The following ZNF143 variants were observed in gnomAD, a reference collection of about 807,000 sequenced individuals.
ZNF143 encodes SPH-binding factor.
A neutral mutation model predicts 74.1 loss-of-function variants in ZNF143; 49 were observed. That is an observed-to-expected ratio of 0.66 (90% CI 0.53 to 0.84). The LOEUF (loss-of-function observed/expected upper bound fraction) is 0.84, where lower values mean the gene tolerates loss of function less well. Ranked by LOEUF, ZNF143 falls within the 40% of genes least tolerant of loss-of-function variation. ZNF143 has a pLI of 0.00. For missense variants in ZNF143, 637 were observed against 793.4 expected (o/e 0.80, Z 2.37); for synonymous variants, 304 against 282.8 (o/e 1.07, Z -0.75).
chr11:9,527,423 C>T, intron 15 of ZNF143, 107 bp from the exon 16 acceptor site: 1 of 995,094 alleles, frequency 1.0e-6, no homozygotes, highest in East Asian at 2.4e-5. Flanking sequence ...TCCCAAGTGT[C>T]AGAATTACAG....
chr11:9,502,607 CAA>C (rs35945973), intron 11 of ZNF143, among the ~76,000 whole-genome samples: 165 of 135,196 alleles, frequency 1.2e-3, no homozygotes, highest in Non-Finnish European at 1.4e-3. Context: ...GACTCCATCT[CAA>C]AAAAAAAAAA....
chr11:9,471,880 G>A (rs1204402777), intron 2 of ZNF143, among the ~76,000 whole-genome samples: 1 of 149,656 alleles, frequency 6.7e-6, no homozygotes, highest in African/African-American at 2.5e-5. Context: ...CTTGGTGTGG[G>A]TACAGGAGGG....
intron 6 of ZNF143, 95 bp from the exon 7 acceptor site, chr11:9,479,375 CTT>C: frequency 3.3e-6 from 3 of 901,186 alleles, no homozygotes; most frequent in Non-Finnish European, 4.8e-6. Flanking sequence ...TTTTCTTTTT[CTT>C]TTTTTTTGCA....
intron 3 of ZNF143, chr11:9,473,701 C>A: frequency 7.7e-7 from 1 of 1,297,234 alleles, no homozygotes; most frequent in Admixed American, 2.1e-5. Context: ...ATGAGCCACT[C>A]TTCCTCTTGA....
At chr11:9,478,685 C>T in intron 6 of ZNF143, 99 bp downstream of exon 6, 1 of 1,448,012 alleles carries the variant, frequency 6.9e-7, no homozygotes, top group South Asian at 1.4e-5. Context: ...CAAAAAAAAC[C>T]TGGCCAATTT....
At chr11:9,475,674 T>C (rs1204310459) in intron 5 of ZNF143, among the ~76,000 whole-genome samples, 4 of 152,140 alleles carry the variant, frequency 2.6e-5, no homozygotes, top group African/African-American at 7.2e-5. Flanking sequence ...GCGGATCACC[T>C]GAGGTCAGGG....
In ZNF143 at chr11:9,528,451, T is replaced by C. The variant is rs1849199665; in HGVS notation, c.*838T>C. On this transcript the variant is annotated 3_prime_UTR_variant, in exon 16 of 16. Coordinates refer to ENST00000396602, the MANE Select transcript of ZNF143 (RefSeq NM_003442.6). ...GGTGTAAATTATTTATTTTTGCTTA[T>C]GTACTTTTGTTTTAAAGCTTATTTA... The C allele has an allele frequency of 6.6e-6, 1 of 152,212 alleles. No homozygotes were observed. The highest frequency in any genetic ancestry group is 1.5e-5 in the Non-Finnish European group (1 of 68,042). The allele number at this position is 152,212 out of a possible 1,614,324, so 9.4% of individuals were successfully genotyped here.
intron 5 of ZNF143, among the ~76,000 whole-genome samples, chr11:9,476,522 G>A (rs906189169): frequency 2.0e-5 from 3 of 150,824 alleles, no homozygotes; most frequent in East Asian, 2.0e-4. Flanking sequence ...ACAGGTGCCC[G>A]CCACTACACC....
At chr11:9,464,820 G>A (rs1856098098) in intron 1 of ZNF143, among the ~76,000 whole-genome samples, 1 of 152,000 alleles carries the variant, frequency 6.6e-6, no homozygotes, top group Non-Finnish European at 1.5e-5. Flanking sequence ...CTACTCAGGA[G>A]GCTGAGGCAG....
intron 7 of ZNF143, among the ~76,000 whole-genome samples, chr11:9,486,402 T>TATATAATATATATTA (rs1259574052): frequency 8.7e-4 from 23 of 26,530 alleles, no homozygotes; most frequent in African/African-American, 3.6e-3. Context: ...ATATAATATA[T>TATATAATATATATTA]TATATATATA....
intron 12 of ZNF143, among the ~76,000 whole-genome samples, chr11:9,511,366 G>A (rs562808341): frequency 3.3e-5 from 5 of 151,730 alleles, no homozygotes; most frequent in South Asian, 2.1e-4. Context: ...GTGCAATCTC[G>A]GCTCACTGCA....
At chr11:9,486,422 A>ATATATATAATATATATAATATATATAT (rs1565039278) in intron 7 of ZNF143, among the ~76,000 whole-genome samples, 3 of 36,442 alleles carry the variant, frequency 8.2e-5, no homozygotes, top group Non-Finnish European at 1.1e-4. Flanking sequence ...AATATATATT[A>ATATATATAATATATATAATATATATAT]TATATATTAT....
intron 11 of ZNF143, among the ~76,000 whole-genome samples, chr11:9,501,720 C>T (rs573293832): frequency 5.9e-5 from 9 of 152,062 alleles, no homozygotes; most frequent in African/African-American, 1.9e-4. Flanking sequence ...GGGGAAATGT[C>T]ATGGGGAAAG....
At chr11:9,488,699 G>A (rs1454689474) in intron 7 of ZNF143, among the ~76,000 whole-genome samples, 1 of 152,128 alleles carries the variant, frequency 6.6e-6, no homozygotes, top group Admixed American at 6.6e-5. Flanking sequence ...TAGACTGAGA[G>A]CCCTACAAAG....
chr11:9,473,157 G>A (rs970175344), intron 3 of ZNF143, among the ~76,000 whole-genome samples: 3 of 152,008 alleles, frequency 2.0e-5, no homozygotes, highest in African/African-American at 7.2e-5. Context: ...TTGGAAGGCC[G>A]AGGCGGGCAG....
At chr11:9,511,978 C>T (rs1347215319) in intron 12 of ZNF143, among the ~76,000 whole-genome samples, 11 of 151,870 alleles carry the variant, frequency 7.2e-5, no homozygotes, top group Non-Finnish European at 1.3e-4. Flanking sequence ...GTCTCGATCT[C>T]CTGACCTCGT....
intron 12 of ZNF143, among the ~76,000 whole-genome samples, chr11:9,511,006 C>T (rs1459345861): frequency 6.6e-6 from 1 of 151,626 alleles, no homozygotes; most frequent in African/African-American, 2.4e-5. Context: ...GTGCTAAAGA[C>T]CAAGTTTAGT....
chr11:9,476,746 C>CTTTATTTTTTTT (rs1856919168), intron 5 of ZNF143, among the ~76,000 whole-genome samples: 1 of 34,836 alleles, frequency 2.9e-5, no homozygotes, highest in Non-Finnish European at 5.3e-5. Flanking sequence ...AGGGAGGAAT[C>CTTTATTTTTTTT]TTTTTTTTTT....
intron 5 of ZNF143, 145 bp from the exon 6 acceptor site, chr11:9,478,245 A>C: frequency 1.3e-6 from 1 of 750,096 alleles, no homozygotes; most frequent in East Asian, 2.7e-5. Context: ...TATTGTGAGG[A>C]TTAAATGAAA....
Sources: allele counts gnomAD v4.1 joint callset (sites outside exome capture counted in the v4.1 genomes callset), GRCh38; gene constraint gnomAD v4.1.1; transcripts MANE v1.5; gene names NCBI Gene and HGNC (gene_info 2026-07-23, HGNC 2026-07-21).